Variants in TNFSF4 observed in about 807,000 individuals in gnomAD.
TNFSF4 encodes the protein TNF superfamily member 4.
In TNFSF4, 4 loss-of-function variants were observed where a neutral mutation model predicts 7.3. The observed-to-expected ratio is 0.55, with a 90% CI of 0.27 to 1.25. TNFSF4 has a LOEUF of 1.25. Ranked by LOEUF, TNFSF4 falls within the 50% of genes most tolerant of loss-of-function variation. TNFSF4 has a pLI of 0.12. For synonymous variants in TNFSF4, 76 were observed against 83.7 expected, an observed-to-expected ratio of 0.91 and a Z score of 0.50; for missense variants, 181 against 208.8, an observed-to-expected ratio of 0.87 and a Z score of 0.82.
At chr1:173,212,482 C>G in the TNFSF4 span, among the ~76,000 whole-genome samples, 2 of 151,448 alleles carry the variant, frequency 1.3e-5, no homozygotes, top group African/African-American at 4.9e-5. Context: ...GTTTTCACCT[C>G]TGTGTTGAGA....
the TNFSF4 span, among the ~76,000 whole-genome samples, chr1:173,372,092 G>A: frequency 1.0e-3 from 155 of 152,254 alleles, no homozygotes; most frequent in African/African-American, 3.6e-3. Flanking sequence ...GGTACGAGGC[G>A]TCTAAATTGA....
At chr1:173,188,631 C>G in intron 1 of TNFSF4, 62 bp from the exon 2 acceptor site, 1 of 1,379,294 alleles carries the variant, frequency 7.3e-7, no homozygotes, top group Non-Finnish European at 1.0e-6. Flanking sequence ...ATTCGCAAGT[C>G]ATATTTAATG....
chr1:173,447,972 G>A, the TNFSF4 span, among the ~76,000 whole-genome samples: 1 of 152,094 alleles, frequency 6.6e-6, no homozygotes, highest in Non-Finnish European at 1.5e-5. Context: ...AAGAAAAAAT[G>A]TAGTGGCTAT....
the TNFSF4 span, among the ~76,000 whole-genome samples, chr1:173,334,021 ATG>A: frequency 3.9e-5 from 6 of 152,070 alleles, no homozygotes; most frequent in African/African-American, 1.4e-4. Context: ...CTCCATAATC[ATG>A]TGAGCAAAAT....
chr1:173,445,587 A>C, the TNFSF4 span, among the ~76,000 whole-genome samples: 1 of 152,164 alleles, frequency 6.6e-6, no homozygotes, highest in African/African-American at 2.4e-5. Context: ...TGGTCCAGAG[A>C]GTACTGGAGT....
the TNFSF4 span, among the ~76,000 whole-genome samples, chr1:173,430,159 G>A: frequency 1.3e-5 from 2 of 152,198 alleles, no homozygotes; most frequent in African/African-American, 4.8e-5. Flanking sequence ...TAAGCACACA[G>A]ACGGTTGCAG....
chr1:173,421,449 G>A, the TNFSF4 span, among the ~76,000 whole-genome samples: 57 of 152,132 alleles, frequency 3.7e-4, 2 homozygotes, highest in Admixed American at 1.5e-3. Flanking sequence ...CCTCCGAACC[G>A]GGTTCCCTCC....
the TNFSF4 span, among the ~76,000 whole-genome samples, chr1:173,331,576 G>A: frequency 1.0e-3 from 152 of 152,270 alleles, no homozygotes; most frequent in African/African-American, 3.3e-3. Context: ...AGTGATTAAT[G>A]GTGTCCCTTC....
At chr1:173,246,501 A>G in the TNFSF4 span, among the ~76,000 whole-genome samples, 1 of 152,324 alleles carries the variant, frequency 6.6e-6, no homozygotes, top group African/African-American at 2.4e-5. Flanking sequence ...CTTGGAACCA[A>G]CCTAAATGCC....
the TNFSF4 span, among the ~76,000 whole-genome samples, chr1:173,342,516 CA>C: frequency 0.1 from 14,720 of 146,034 alleles, 835 homozygotes; most frequent in East Asian, 0.27. Context: ...ATGCATTATG[CA>C]AAAAAAAAAA....
At chr1:173,352,563 T>A in the TNFSF4 span, among the ~76,000 whole-genome samples, 1 of 152,016 alleles carries the variant, frequency 6.6e-6, no homozygotes, top group Non-Finnish European at 1.5e-5. Context: ...AGTGTACAAA[T>A]AGGGTGTGGG....
At chr1:173,432,670 G>C in the TNFSF4 span, among the ~76,000 whole-genome samples, 1 of 151,798 alleles carries the variant, frequency 6.6e-6, no homozygotes, top group Non-Finnish European at 1.5e-5. Flanking sequence ...TAAACAAGAG[G>C]TTATGGCAAC....
chr1:173,404,102 C>A, the TNFSF4 span, among the ~76,000 whole-genome samples: 2 of 152,148 alleles, frequency 1.3e-5, no homozygotes, highest in East Asian at 3.9e-4. Context: ...GACATGGAAG[C>A]AAGAGACCGT....
chr1:173,429,247 G>A, the TNFSF4 span, among the ~76,000 whole-genome samples: 32 of 151,774 alleles, frequency 2.1e-4, no homozygotes, highest in Non-Finnish European at 3.8e-4. Context: ...TGGTTTCTAC[G>A]AAAAATGATT....
At chr1:173,210,688 G>A (rs1650344958), upstream of TNFSF4, among the ~76,000 whole-genome samples, 2 of 152,122 alleles carry the variant, frequency 1.3e-5, no homozygotes, top group African/African-American at 4.8e-5. Flanking sequence ...CTCTGACTGA[G>A]GGAAATAGAA....
chr1:173,428,577 T>C, the TNFSF4 span, among the ~76,000 whole-genome samples: 1 of 152,254 alleles, frequency 6.6e-6, no homozygotes, highest in South Asian at 2.1e-4. Context: ...TATGAGATAA[T>C]TATAAATTTA....
At chr1:173,348,760 C>T in the TNFSF4 span, among the ~76,000 whole-genome samples, 1 of 152,086 alleles carries the variant, frequency 6.6e-6, no homozygotes, top group Non-Finnish European at 1.5e-5. Context: ...TAAGAAGATA[C>T]TATGAACAAC....
chr1:173,333,831 T>C, the TNFSF4 span, among the ~76,000 whole-genome samples: 6 of 152,098 alleles, frequency 3.9e-5, no homozygotes, highest in Non-Finnish European at 7.3e-5. Context: ...CACAGGCTTT[T>C]CCTGTGTCTT....
chr1:173,285,008 A>G, the TNFSF4 span, among the ~76,000 whole-genome samples: 25 of 152,232 alleles, frequency 1.6e-4, no homozygotes, highest in Non-Finnish European at 5.9e-5. Flanking sequence ...TGCCATAAGT[A>G]ACAATTCCTC....
Sources: allele counts gnomAD v4.1 joint callset (sites outside exome capture counted in the v4.1 genomes callset), GRCh38; gene constraint gnomAD v4.1.1; transcripts MANE v1.5; gene names NCBI Gene and HGNC (gene_info 2026-07-23, HGNC 2026-07-21).